The following LRRCC1 variants were observed in gnomAD, a reference collection of about 807,000 sequenced individuals.
The protein encoded by LRRCC1 is leucine rich repeat and coiled-coil centrosomal protein 1.
LRRCC1 carries 115 observed loss-of-function variants against 126.0 expected under a neutral mutation model. That is an observed-to-expected ratio of 0.91 (90% CI 0.78 to 1.07). The LOEUF (loss-of-function observed/expected upper bound fraction) is 1.07, where lower values mean the gene tolerates loss of function less well. Among genes scored for constraint, LRRCC1 ranks in the 50% least tolerant of loss-of-function variants. LRRCC1 has a pLI of 0.00. For missense variants in LRRCC1, 1,172 were observed against 1,175.7 expected, an observed-to-expected ratio of 1.00 and a Z score of 0.05; for synonymous variants, 400 against 393.4, an observed-to-expected ratio of 1.02 and a Z score of -0.20.
intron 3 of LRRCC1, among the ~76,000 whole-genome samples, chr8:85,110,437 T>C (rs1808617745): frequency 1.3e-5 from 2 of 152,190 alleles, no homozygotes; most frequent in South Asian, 2.1e-4. Context: ...GAAGGGAATA[T>C]GTTTTAATTT....
intron 18 of LRRCC1, among the ~76,000 whole-genome samples, chr8:85,144,992 A>G (rs1038690296): frequency 1.3e-5 from 2 of 150,510 alleles, no homozygotes; most frequent in African/African-American, 2.4e-5. Flanking sequence ...AGGCAGGAGA[A>G]TAGCGTGAAC....
intron 14 of LRRCC1, 150 bp from the exon 15 acceptor site, chr8:85,137,314 T>C: frequency 2.4e-6 from 1 of 422,980 alleles, no homozygotes; most frequent in Non-Finnish European, 3.9e-6. Context: ...TTTTGTTTGC[T>C]TCCCCTTTCC....
intron 6 of LRRCC1, among the ~76,000 whole-genome samples, chr8:85,119,968 T>C (rs1345467241): frequency 6.6e-6 from 1 of 152,264 alleles, no homozygotes; most frequent in African/African-American, 2.4e-5. Flanking sequence ...ATTTCCTTTG[T>C]GATTTCTTCC....
In LRRCC1 at chr8:85,145,513, G is replaced by T; in HGVS notation, c.*2G>T. ...AATGAAATTCAGCAAGATATGTGAT[G>T]GTTCTGAGAATGAATTTAATTGAAA... On this transcript the variant is annotated 3_prime_UTR_variant, in exon 19 of 19. Transcript: ENST00000360375. The T allele has an allele frequency of 6.4e-7, 1 of 1,573,424 alleles. No homozygotes were observed. The highest frequency in any genetic ancestry group is 1.3e-5 in the South Asian group (1 of 79,908).
rs1444595310 is a variant in LRRCC1, at chr8:85,141,504, C to T, written c.2963C>T (p.Ser988Phe). The T allele has an allele frequency of 1.2e-6, 2 of 1,606,740 alleles. No individual in the cohort carries two copies. The highest frequency in any genetic ancestry group is 1.1e-5 in the South Asian group (1 of 90,134). Residue 988 changes from serine to phenylalanine, a missense_variant, in exon 18 of 19, where the codon TCT becomes TTT. Physicochemically the swap from Ser to Phe is radical, Grantham distance 155. Coordinates refer to ENST00000360375, the MANE Select transcript of LRRCC1 (RefSeq NM_033402.5). Reference protein sequence around the residue: ...LANEKQKCIDSANLKVHQIEK... With the variant: ...LANEKQKCIDFANLKVHQIEK... ...AATGAAAAGCAGAAGTGTATTGATT[C>T]TGCAAATTTAAAGGTATTGTAAGTA...
At chr8:85,118,593 G>T (rs1809290118) in intron 6 of LRRCC1, among the ~76,000 whole-genome samples, 1 of 152,032 alleles carries the variant, frequency 6.6e-6, no homozygotes, top group Non-Finnish European at 1.5e-5. Flanking sequence ...CCTGATGTTT[G>T]TTGTGATTTT....
chr8:85,141,335 C>G (rs370401681), intron 17 of LRRCC1, 47 bp from the exon 18 acceptor site: 3 of 1,481,526 alleles, frequency 2.0e-6, no homozygotes, highest in African/African-American at 2.8e-5. Flanking sequence ...TCTTTACATT[C>G]ACACCACATA....
At chr8:85,142,330 A>G (rs1811311574) in intron 18 of LRRCC1, among the ~76,000 whole-genome samples, 1 of 152,076 alleles carries the variant, frequency 6.6e-6, no homozygotes, top group Non-Finnish European at 1.5e-5. Context: ...TTCCCCTCAG[A>G]GACTCATTCA....
intron 11 of LRRCC1, among the ~76,000 whole-genome samples, chr8:85,130,871 G>C (rs1405772897): frequency 6.6e-6 from 1 of 152,194 alleles, no homozygotes; most frequent in African/African-American, 2.4e-5. Flanking sequence ...CGGCATGGCT[G>C]TGTTCCAATA....
In LRRCC1 at chr8:85,139,749, C is replaced by T. The variant is rs181616086; in HGVS notation, c.2840+1274C>T. Among the ~76,000 whole-genome samples the T allele has an allele frequency of 8.2e-4, 125 of 152,278 alleles. 1 individual carries two copies. The highest frequency in any genetic ancestry group is 1.2e-4 in the Non-Finnish European group (8 of 68,018). On this transcript the variant is annotated intron_variant, in intron 17 of 18. Transcript: ENST00000360375. ...GTAGCACAGCTTAATGATTAATTCT[C>T]GTGTGAAGATAGAGTGATACAGATA...
At chr8:85,141,262 T>C (rs1811230158) in intron 17 of LRRCC1, 120 bp from the exon 18 acceptor site, 5 of 690,566 alleles carry the variant, frequency 7.2e-6, no homozygotes, top group South Asian at 7.2e-5. Flanking sequence ...GATATTTTCA[T>C]AATACTGAGT....
intron 18 of LRRCC1, among the ~76,000 whole-genome samples, chr8:85,142,867 T>C (rs1316796935): frequency 6.8e-6 from 1 of 147,032 alleles, no homozygotes; most frequent in African/African-American, 2.5e-5. Context: ...AGAAAAATTA[T>C]AATCAAGGTT....
rs369075882 is a variant in LRRCC1, at chr8:85,107,383, G to A, written c.88G>A (p.Asp30Asn). Residue 30 changes from aspartate (D) to asparagine (N), a missense_variant, in exon 1 of 19, where the codon GAC becomes AAC. Coordinates refer to ENST00000360375, the MANE Select transcript of LRRCC1 (RefSeq NM_033402.5). ...CAGCTGCGGGGATGTATGCTTCATG[G>A]ACAAAGGCTTGCAGAGGTAAAGGGC... is the stretch of plus-strand genomic sequence containing the variant. Reference protein sequence around the residue: ...DSSCGDVCFMDKGLQSISELS... With the variant: ...DSSCGDVCFMNKGLQSISELS... The A allele has an allele frequency of 7.3e-5, 118 of 1,613,304 alleles. No individual in the cohort carries two copies. The highest frequency in any genetic ancestry group is 9.2e-5 in the Non-Finnish European group (109 of 1,179,496).
At chr8:85,142,783 T>C (rs1036712461) in intron 18 of LRRCC1, among the ~76,000 whole-genome samples, 2 of 150,600 alleles carry the variant, frequency 1.3e-5, no homozygotes, top group African/African-American at 2.4e-5. Flanking sequence ...TGCACCAAGA[T>C]TGTGTCACGT....
chr8:85,109,989 TG>T (rs1808575920), intron 2 of LRRCC1, 125 bp from the exon 3 acceptor site: 2 of 603,302 alleles, frequency 3.3e-6, no homozygotes, highest in Admixed American at 7.1e-5. Flanking sequence ...CCAATAAAAT[TG>T]ATTTCGCTGT....
intron 18 of LRRCC1, 30 bp downstream of exon 18, chr8:85,141,547 C>T (rs1318480599): frequency 6.7e-7 from 1 of 1,485,776 alleles, no homozygotes. Context: ...CTTCAATAAT[C>T]AGTATATTAC....
chr8:85,111,307 G>A (rs933394581), intron 3 of LRRCC1, among the ~76,000 whole-genome samples: 1 of 152,194 alleles, frequency 6.6e-6, no homozygotes, highest in African/African-American at 2.4e-5. Flanking sequence ...AACCCAGGAG[G>A]CAGAGGTTGC....
chr8:85,127,701 A>G (rs994490578), intron 9 of LRRCC1, among the ~76,000 whole-genome samples: 1 of 152,164 alleles, frequency 6.6e-6, no homozygotes, highest in African/African-American at 2.4e-5. Flanking sequence ...TGTTTCTCTG[A>G]TAGGTTGTAC....
At chr8:85,143,558 G>C (rs1239470936) in intron 18 of LRRCC1, among the ~76,000 whole-genome samples, 1 of 152,086 alleles carries the variant, frequency 6.6e-6, no homozygotes, top group African/African-American at 2.4e-5. Context: ...AGGATTGCTT[G>C]AACCCAGGAG....
Sources: gnomAD v4.1 joint callset for allele counts (sites outside exome capture counted in the v4.1 genomes callset) on GRCh38, gnomAD v4.1.1 for gene constraint, MANE v1.5 for transcripts, NCBI Gene and HGNC (gene_info 2026-07-23, HGNC 2026-07-21) for gene names.